UBE2E3: variants seen among roughly 807,000 people sequenced by gnomAD.
UBE2E3 encodes the protein ubiquitin conjugating enzyme E2 E3.
A neutral mutation model predicts 23.6 loss-of-function variants in UBE2E3; 5 were observed. The ratio of observed to expected loss-of-function variants is 0.21; its 90% CI spans 0.11 to 0.44. The LOEUF (loss-of-function observed/expected upper bound fraction) is 0.44, where lower values mean the gene tolerates loss of function less well. Among genes scored for constraint, UBE2E3 ranks in the 20% least tolerant of loss-of-function variants. UBE2E3 has a pLI of 0.99. For missense variants in UBE2E3, 81 were observed against 249.8 expected, an observed-to-expected ratio of 0.32 and a Z score of 4.55; for synonymous variants, 78 against 87.5, an observed-to-expected ratio of 0.89 and a Z score of 0.60.
chr2:181,058,351 T>C (rs1371442559), intron 4 of UBE2E3, among the ~76,000 whole-genome samples: 1 of 151,772 alleles, frequency 6.6e-6, no homozygotes, highest in African/African-American at 2.4e-5. Context: ...GGAAGCAGAA[T>C]GCCTGAGTTT....
chr2:180,982,742 A>G (rs1414412810), intron 2 of UBE2E3, among the ~76,000 whole-genome samples: 1 of 152,254 alleles, frequency 6.6e-6, no homozygotes, highest in East Asian at 1.9e-4. Context: ...TTACAGTTTT[A>G]CAAAACATGA....
At chr2:181,042,098 T>G (rs954739623) in intron 3 of UBE2E3, among the ~76,000 whole-genome samples, 1 of 152,234 alleles carries the variant, frequency 6.6e-6, no homozygotes, top group Non-Finnish European at 1.5e-5. Context: ...TCCACTAATG[T>G]CCTTTTTGTT....
chr2:181,040,276 C>T (rs1204546732), intron 3 of UBE2E3, among the ~76,000 whole-genome samples: 4 of 152,214 alleles, frequency 2.6e-5, no homozygotes, highest in Non-Finnish European at 5.9e-5. Flanking sequence ...CGTCCTTCCA[C>T]GGGACATTGA....
At chr2:181,009,891 T>C (rs1432622015) in intron 3 of UBE2E3, among the ~76,000 whole-genome samples, 1 of 152,176 alleles carries the variant, frequency 6.6e-6, no homozygotes, top group African/African-American at 2.4e-5. Flanking sequence ...TATTAATGTA[T>C]AGCCTATTTT....
chr2:181,053,009 T>C (rs967409925), intron 3 of UBE2E3, among the ~76,000 whole-genome samples: 2 of 151,884 alleles, frequency 1.3e-5, no homozygotes, highest in Non-Finnish European at 2.9e-5. Context: ...CTCTTAGTCA[T>C]TTCTTAGTCG....
chr2:180,999,063 C>A (rs557219698), intron 3 of UBE2E3, among the ~76,000 whole-genome samples: 8 of 152,162 alleles, frequency 5.3e-5, no homozygotes, highest in Admixed American at 2.6e-4. Context: ...TGTTTTGAGG[C>A]AAATGTAGTA....
chr2:181,017,214 C>T (rs1158803725), intron 3 of UBE2E3, among the ~76,000 whole-genome samples: 1 of 152,100 alleles, frequency 6.6e-6, no homozygotes, highest in Non-Finnish European at 1.5e-5. Context: ...ATGGAAGAAT[C>T]ACAGGGGCTG....
chr2:181,016,661 A>T (rs1174057521), intron 3 of UBE2E3, among the ~76,000 whole-genome samples: 1 of 152,030 alleles, frequency 6.6e-6, no homozygotes, highest in Admixed American at 6.6e-5. Flanking sequence ...TGTTTCCCAA[A>T]CCTTAGTTTT....
At chr2:181,058,226 T>G (rs373591055) in intron 4 of UBE2E3, among the ~76,000 whole-genome samples, 69 of 151,862 alleles carry the variant, frequency 4.5e-4, no homozygotes, top group African/African-American at 1.6e-3. Flanking sequence ...TTTAATAATG[T>G]GAATTTTGTG....
At chr2:180,991,268 G>T (rs1260952245) in intron 3 of UBE2E3, among the ~76,000 whole-genome samples, 1 of 151,976 alleles carries the variant, frequency 6.6e-6, no homozygotes, top group African/African-American at 2.4e-5. Flanking sequence ...CCTAGTGGAT[G>T]CCTGAAAGTT....
chr2:180,990,879 C>T lies in UBE2E3; in HGVS notation c.245+6786C>T, dbSNP rs146239407. 1.8e-3 allele frequency among the ~76,000 whole-genome samples: 269 copies of T among 152,302 alleles called. 2 individuals carry two copies. The highest frequency in any genetic ancestry group is 2.4e-4 in the Non-Finnish European group (16 of 68,024). On this transcript the variant is annotated intron_variant, in intron 3 of 5. Coordinates refer to ENST00000410062, the MANE Select transcript of UBE2E3 (RefSeq NM_006357.4). ...AATACACAAGTTACTTCAATTTTTA[C>T]AAGTTCACAATCCTTTATTTGAAAC...
At chr2:181,047,560 C>T (rs1686707485) in intron 3 of UBE2E3, among the ~76,000 whole-genome samples, 1 of 152,064 alleles carries the variant, frequency 6.6e-6, no homozygotes, top group South Asian at 2.1e-4. Flanking sequence ...AGTCTGAAAA[C>T]TATAAGCTAT....
intron 3 of UBE2E3, among the ~76,000 whole-genome samples, chr2:181,050,085 G>T (rs901556045): frequency 1.3e-5 from 2 of 151,930 alleles, no homozygotes; most frequent in Non-Finnish European, 2.9e-5. Flanking sequence ...AAGATGTGAA[G>T]CTGGTAAGGG....
intron 3 of UBE2E3, among the ~76,000 whole-genome samples, chr2:180,998,958 A>G (rs1231749638): frequency 6.6e-6 from 1 of 152,196 alleles, no homozygotes; most frequent in Admixed American, 6.5e-5. Flanking sequence ...CTCTATAGAT[A>G]TGCAGATAAG....
intron 3 of UBE2E3, among the ~76,000 whole-genome samples, chr2:181,053,622 C>A (rs1686906859): frequency 6.6e-6 from 1 of 151,788 alleles, no homozygotes; most frequent in African/African-American, 2.4e-5. Flanking sequence ...CACAGACACA[C>A]AACCACCCCT....
In UBE2E3 at chr2:181,020,518, A is replaced by G. The variant is rs1218869998; in HGVS notation, c.245+36425A>G. 2.0e-5 allele frequency among the ~76,000 whole-genome samples: 3 copies of G among 152,322 alleles called. No homozygotes were observed. In the East Asian group the frequency reaches 5.8e-4, roughly 29 times the overall value. ...AATTCAAGCTGTCACAGTTGATTAA[A>G]AGATTTTGATCCTTAATAATAATGT... On this transcript the variant is annotated intron_variant, in intron 3 of 5. Coordinates refer to ENST00000410062, the MANE Select transcript of UBE2E3 (RefSeq NM_006357.4).
chr2:181,004,525 C>T lies in UBE2E3; in HGVS notation c.245+20432C>T, dbSNP rs373112879. Among the ~76,000 whole-genome samples the T allele has an allele frequency of 3.7e-4, 57 of 152,040 alleles. 2 individuals carry two copies. In the South Asian group the frequency reaches 0.011, roughly 28 times the overall value. ...GTATGCACCTGTAGTCTCAGCTACTCGGGAGGCTGAGGCAGGAGAATCACT... is the reference window on the plus strand; with the variant it reads ...GTATGCACCTGTAGTCTCAGCTACTTGGGAGGCTGAGGCAGGAGAATCACT... On this transcript the variant is annotated intron_variant, in intron 3 of 5. Transcript: ENST00000410062.
At chr2:181,022,787 CAG>C (rs1685751071) in intron 3 of UBE2E3, among the ~76,000 whole-genome samples, 1 of 151,874 alleles carries the variant, frequency 6.6e-6, no homozygotes, top group African/African-American at 2.4e-5. Flanking sequence ...AAACAGAAGA[CAG>C]AGTGCTGCCT....
chr2:180,993,058 T>A (rs1356063758), intron 3 of UBE2E3, among the ~76,000 whole-genome samples: 2 of 152,210 alleles, frequency 1.3e-5, no homozygotes, highest in East Asian at 3.8e-4. Context: ...GTAGTAAAGT[T>A]AAATTGTAAA....
Sources: gnomAD v4.1 joint callset for allele counts (sites outside exome capture counted in the v4.1 genomes callset) on GRCh38, gnomAD v4.1.1 for gene constraint, MANE v1.5 for transcripts, NCBI Gene and HGNC (gene_info 2026-07-23, HGNC 2026-07-21) for gene names.